Variants in ACOT12 observed in about 807,000 individuals in gnomAD.
ACOT12 encodes the protein acyl-CoA thioesterase 12, also known as acetyl-coenzyme A thioesterase.
In ACOT12, 51 loss-of-function variants were observed where a neutral mutation model predicts 67.7. The observed-to-expected ratio is 0.75, with a 90% CI of 0.60 to 0.95. ACOT12 has a LOEUF of 0.95. Among genes scored for constraint, ACOT12 ranks in the 40% least tolerant of loss-of-function variants. ACOT12 has a pLI of 0.00. For synonymous variants in ACOT12, 251 were observed against 244.6 expected (o/e 1.03, Z -0.24); for missense variants, 734 against 708.1 (o/e 1.04, Z -0.41).
chr5:81,355,166 G>T (rs929782317), intron 5 of ACOT12, among the ~76,000 whole-genome samples: 5 of 152,168 alleles, frequency 3.3e-5, no homozygotes, highest in Admixed American at 6.5e-5. Context: ...CTGTGGAGGG[G>T]ACCTCTCAAA....
intron 3 of ACOT12, among the ~76,000 whole-genome samples, chr5:81,367,291 T>A (rs72771190): frequency 0.073 from 11,101 of 152,126 alleles, 573 homozygotes; most frequent in Non-Finnish European, 0.11. Context: ...GGTATATATA[T>A]AAAATACTTC....
intron 2 of ACOT12, among the ~76,000 whole-genome samples, chr5:81,380,526 T>A (rs1487080818): frequency 8.0e-6 from 1 of 125,746 alleles, no homozygotes; most frequent in Admixed American, 7.7e-5. Flanking sequence ...ATCGTGCCAT[T>A]GCACTTCAGC....
At chr5:81,370,362 A>G (rs528428912) in intron 3 of ACOT12, among the ~76,000 whole-genome samples, 2 of 152,360 alleles carry the variant, frequency 1.3e-5, no homozygotes, top group East Asian at 3.9e-4. Flanking sequence ...AACAGTTGTT[A>G]TAACTGAACT....
chr5:81,388,597 G>A (rs1316976304), intron 1 of ACOT12, among the ~76,000 whole-genome samples: 2 of 152,160 alleles, frequency 1.3e-5, no homozygotes, highest in African/African-American at 4.8e-5. Context: ...TTGAACACTT[G>A]TTTTATTTTA....
chr5:81,328,816 G>T (rs769081905), downstream of ACOT12, among the ~76,000 whole-genome samples: 1 of 152,046 alleles, frequency 6.6e-6, no homozygotes, highest in Non-Finnish European at 1.5e-5. Flanking sequence ...TATAAGACTG[G>T]GACAAACTGA....
At chr5:81,376,384 G>A (rs1433271331) in intron 2 of ACOT12, among the ~76,000 whole-genome samples, 1 of 151,756 alleles carries the variant, frequency 6.6e-6, no homozygotes, top group Non-Finnish European at 1.5e-5. Context: ...AGAAGAGAAA[G>A]CAGGAAAGAT....
chr5:81,370,044 A>G (rs1760198446), intron 3 of ACOT12, among the ~76,000 whole-genome samples: 1 of 152,194 alleles, frequency 6.6e-6, no homozygotes, highest in South Asian at 2.1e-4. Context: ...GCACTTTGGG[A>G]GGCCAAGGTG....
intron 5 of ACOT12, among the ~76,000 whole-genome samples, chr5:81,358,618 G>A (rs1448521634): frequency 6.6e-6 from 1 of 152,234 alleles, no homozygotes; most frequent in Non-Finnish European, 1.5e-5. Flanking sequence ...GGGAGGCCGA[G>A]GCAGGCGGAT....
chr5:81,333,099 A>AAAG (rs1758884536), intron 12 of ACOT12, among the ~76,000 whole-genome samples: 2 of 151,644 alleles, frequency 1.3e-5, no homozygotes, highest in African/African-American at 4.8e-5. Flanking sequence ...ACAAACAAAA[A>AAAG]ACGCAAGAGC....
chr5:81,319,488 C>T, the ACOT12 span, among the ~76,000 whole-genome samples: 8 of 152,314 alleles, frequency 5.3e-5, no homozygotes, highest in East Asian at 1.9e-4. Flanking sequence ...GAGGCCAAGG[C>T]GGGCGGATTA....
the ACOT12 span, among the ~76,000 whole-genome samples, chr5:81,321,409 T>G: frequency 6.6e-6 from 1 of 152,216 alleles, no homozygotes; most frequent in Non-Finnish European, 1.5e-5. Flanking sequence ...ATGCTCTATT[T>G]TAATAGTATC....
intron 2 of ACOT12, among the ~76,000 whole-genome samples, chr5:81,376,915 G>C (rs929551863): frequency 1.3e-5 from 2 of 152,188 alleles, no homozygotes; most frequent in Non-Finnish European, 2.9e-5. Context: ...GAGGTACAAA[G>C]AGGAGCTGGT....
chr5:81,348,704 A>T (rs1476293967), intron 5 of ACOT12, among the ~76,000 whole-genome samples: 2 of 152,172 alleles, frequency 1.3e-5, no homozygotes, highest in Non-Finnish European at 2.9e-5. Flanking sequence ...AGCTGGGCTT[A>T]CAGGTGCGTG....
downstream of ACOT12, among the ~76,000 whole-genome samples, chr5:81,326,971 T>C (rs114701489): frequency 0.015 from 2,287 of 152,256 alleles, 44 homozygotes; most frequent in African/African-American, 0.052. Context: ...TTACTCTAAA[T>C]CACAAGACTT....
At chr5:81,359,004 C>A (rs1397385288) in intron 5 of ACOT12, among the ~76,000 whole-genome samples, 1 of 152,190 alleles carries the variant, frequency 6.6e-6, no homozygotes, top group Non-Finnish European at 1.5e-5. Context: ...CTTTGCACTT[C>A]TGCCATACTG....
intron 3 of ACOT12, among the ~76,000 whole-genome samples, chr5:81,364,847 C>T (rs1159875211): frequency 1.4e-5 from 2 of 138,000 alleles, no homozygotes; most frequent in Non-Finnish European, 3.2e-5. Context: ...AGAGATGTAC[C>T]ATAACTTTTT....
chr5:81,319,822 ACTTT>A, the ACOT12 span, among the ~76,000 whole-genome samples: 1 of 140,238 alleles, frequency 7.1e-6, no homozygotes, highest in Non-Finnish European at 1.5e-5. Flanking sequence ...CCATGAACCT[ACTTT>A]CTTTCTCTAA....
At chr5:81,362,311 A>G (rs1378218305) in intron 4 of ACOT12, among the ~76,000 whole-genome samples, 2 of 151,810 alleles carry the variant, frequency 1.3e-5, no homozygotes, top group East Asian at 3.9e-4. Context: ...GATTATAGGC[A>G]TGCACCACCA....
chr5:81,386,994 C>CTTTTTTTTT (rs1052387807), intron 1 of ACOT12, among the ~76,000 whole-genome samples: 125 of 128,462 alleles, frequency 9.7e-4, no homozygotes, highest in African/African-American at 1.5e-3. Flanking sequence ...GGATGAGTTC[C>CTTTTTTTTT]ATTTTTTTTT....
Sources: gnomAD v4.1 joint callset for allele counts (sites outside exome capture counted in the v4.1 genomes callset) on GRCh38, gnomAD v4.1.1 for gene constraint, MANE v1.5 for transcripts, NCBI Gene and HGNC (gene_info 2026-07-23, HGNC 2026-07-21) for gene names.